The following SLC16A4 variants were observed in gnomAD, a reference collection of about 807,000 sequenced individuals.
SLC16A4 encodes the protein solute carrier family 16 member 4, also known as probable monocarboxylate transporter 5.
A neutral mutation model predicts 47.9 loss-of-function variants in SLC16A4; 39 were observed. That is an observed-to-expected ratio of 0.81 (90% confidence interval 0.63 to 1.06). The LOEUF (loss-of-function observed/expected upper bound fraction) is 1.06, where lower values mean the gene tolerates loss of function less well. Among genes scored for constraint, SLC16A4 ranks in the 50% least tolerant of loss-of-function variants. The pLI, the probability that SLC16A4 is intolerant of heterozygous loss-of-function variation, is 0.00. For synonymous variants in SLC16A4, 189 were observed against 199.9 expected (o/e 0.95, Z 0.46); for missense variants, 524 against 573.8 (o/e 0.91, Z 0.89).
intron 2 of SLC16A4, among the ~76,000 whole-genome samples, chr1:110,383,947 T>C (rs1331698417): frequency 6.6e-6 from 1 of 151,424 alleles, no homozygotes; most frequent in Non-Finnish European, 1.5e-5. Context: ...AGAAGCAGGA[T>C]GGATGGAGTT....
chr1:110,387,618 G>T (rs959847550), intron 2 of SLC16A4, among the ~76,000 whole-genome samples: 1 of 152,152 alleles, frequency 6.6e-6, no homozygotes, highest in Non-Finnish European at 1.5e-5. Flanking sequence ...TTTCCTATCA[G>T]CAACTAAATT....
At chr1:110,382,811 C>A in intron 3 of SLC16A4, 23 bp downstream of exon 3, 1 of 1,549,456 alleles carries the variant, frequency 6.5e-7, no homozygotes, top group Non-Finnish European at 8.8e-7. Context: ...CCTTAGACAG[C>A]AAGCTTATTG....
intron 2 of SLC16A4, among the ~76,000 whole-genome samples, chr1:110,383,168 CA>C (rs1171380584): frequency 6.6e-6 from 1 of 152,202 alleles, no homozygotes. Context: ...GGAAACATCT[CA>C]TTTAATCCTC....
chr1:110,373,309 C>T (rs1661783711), intron 8 of SLC16A4, among the ~76,000 whole-genome samples: 1 of 152,020 alleles, frequency 6.6e-6, no homozygotes, highest in Non-Finnish European at 1.5e-5. Context: ...TGAAAAATTC[C>T]AAGGCACTAC....
chr1:110,378,683 T>A (rs1341925688), intron 6 of SLC16A4, among the ~76,000 whole-genome samples, 170 bp downstream of exon 6: 1 of 152,244 alleles, frequency 6.6e-6, no homozygotes, highest in Admixed American at 6.5e-5. Context: ...GACAGAGATC[T>A]CTTCCTGGGA....
In SLC16A4 at chr1:110,369,233, G is replaced by A. The variant is rs534016080; in HGVS notation, c.1337-5340C>T. ...CTCCCAAAGTGCTGGGATTACAGGCGTGAGCCACTGTGCCCAGTCATGAAT... is the reference window on the plus strand; with the variant it reads ...CTCCCAAAGTGCTGGGATTACAGGCATGAGCCACTGTGCCCAGTCATGAAT... On this transcript the variant is annotated intron_variant, in intron 8 of 8. Coordinates refer to ENST00000369779, the MANE Select transcript of SLC16A4 (RefSeq NM_004696.3). 1.4e-4 allele frequency among the ~76,000 whole-genome samples: 21 copies of A among 152,088 alleles called. No homozygotes were observed. The South Asian group carries it at 3.7e-3, about 27-fold the overall frequency.
In SLC16A4 at chr1:110,379,299, A is replaced by G. The variant is rs1464583555; in HGVS notation, c.584T>C (p.Leu195Ser). Residue 195 changes from leucine to serine, a missense_variant, in exon 6 of 9, where the codon TTA becomes TCA. Coordinates refer to ENST00000369779, the MANE Select transcript of SLC16A4 (RefSeq NM_004696.3). Reference sequence around the variant, plus strand: ...CTCACTTTTGATATGGATGGGTCTTAAGAGCATACTAGAAGGCACCAAATT... The same window carrying G: ...CTCACTTTTGATATGGATGGGTCTTGAGAGCATACTAGAAGGCACCAAATT... ...ALNLVPSSMLLRPIHIKSENN... is the reference protein window; with the variant it reads ...ALNLVPSSMLSRPIHIKSENN... The G allele has an allele frequency of 5.0e-6, 8 of 1,613,308 alleles. No individual in the cohort carries two copies. Among genetic ancestry groups the G allele is most frequent in the Non-Finnish European group, 5.9e-6 (7 of 1,179,280 alleles).
chr1:110,375,309 A>G, intron 8 of SLC16A4, 149 bp downstream of exon 8: 1 of 614,602 alleles, frequency 1.6e-6, no homozygotes. Flanking sequence ...ATTTTCCTGC[A>G]TTGGTGGTGG....
Position 110,376,164 on chromosome 1 carries a change from A to G in SLC16A4, c.1243-613T>C, listed in dbSNP as rs1369695042. On this transcript the variant is annotated intron_variant, in intron 7 of 8. Transcript: ENST00000369779. ...AGTGCTGGGATTACAGGTGTGAGCC[A>G]CCACGCCCGGCCAGACGGTGATATT... 2.0e-5 allele frequency among the ~76,000 whole-genome samples: 3 copies of G among 152,174 alleles called. No individual in the cohort carries two copies. The South Asian group carries it at 6.2e-4, about 31-fold the overall frequency.
chr1:110,377,551 A>G (rs1216277302), intron 6 of SLC16A4, among the ~76,000 whole-genome samples: 1 of 152,244 alleles, frequency 6.6e-6, no homozygotes. Flanking sequence ...CCTTCAGGTC[A>G]GTGTCTTGGG....
intron 5 of SLC16A4, among the ~76,000 whole-genome samples, 170 bp from the exon 6 acceptor site, chr1:110,379,526 A>G (rs1165461568): frequency 1.3e-5 from 2 of 152,002 alleles, no homozygotes; most frequent in African/African-American, 2.4e-5. Context: ...CCGTGTAATA[A>G]TGTAGTGCTT....
intron 2 of SLC16A4, among the ~76,000 whole-genome samples, chr1:110,386,223 A>G (rs1424852661): frequency 1.3e-5 from 2 of 152,214 alleles, no homozygotes; most frequent in Non-Finnish European, 2.9e-5. Context: ...ACTATGTATC[A>G]AGAAGACCAA....
rs754449435 is a variant in SLC16A4, at chr1:110,381,156, C to T, written c.365-13G>A. 13 of 1,612,320 alleles carry T rather than the reference C, an allele frequency of 8.1e-6. No individual in the cohort carries two copies. The highest frequency in any genetic ancestry group is 5.9e-6 in the Non-Finnish European group (7 of 1,178,854). On this transcript the variant is annotated splice_polypyrimidine_tract_variant and intron_variant, in intron 4 of 8. Coordinates refer to ENST00000369779, the MANE Select transcript of SLC16A4 (RefSeq NM_004696.3). ...GCAGAACCCAAACCTAAAAGAAAAA[C>T]GTAATAGTTTAGAATCACTCTTACA...
intron 3 of SLC16A4, among the ~76,000 whole-genome samples, chr1:110,382,463 A>G (rs1662458815): frequency 6.6e-6 from 1 of 152,084 alleles, no homozygotes; most frequent in Admixed American, 6.6e-5. Flanking sequence ...TGTCTCAAAA[A>G]AAAAAAATAA....
intron 8 of SLC16A4, among the ~76,000 whole-genome samples, chr1:110,373,850 AT>A (rs1343726281): frequency 6.6e-6 from 1 of 150,460 alleles, no homozygotes; most frequent in Non-Finnish European, 1.5e-5. Context: ...GATTTTTAAA[AT>A]TTTTTTGTAG....
In SLC16A4 at chr1:110,379,052, TTCA is replaced by T; in HGVS notation, c.828_830del (p.Asp276del). ...TCCACGAAATAACCTTATCACTTTC[TTCA>T]TCACTCTTTAATAACAGTCTGTTCC... On this transcript the variant is annotated inframe_deletion, in exon 6 of 9. Transcript: ENST00000369779. 1 of 1,614,242 alleles carries T rather than the reference TTCA, an allele frequency of 6.2e-7. No homozygotes were observed. Among genetic ancestry groups the T allele is most frequent in the Non-Finnish European group, 8.5e-7 (1 of 1,180,044 alleles).
chr1:110,364,484 C>G (rs1470267791), intron 8 of SLC16A4, among the ~76,000 whole-genome samples: 1 of 150,008 alleles, frequency 6.7e-6, no homozygotes, highest in Non-Finnish European at 1.5e-5. Context: ...CAAGTTCCCC[C>G]CTGAAATCTA....
At chr1:110,382,200 C>T (rs1662439605) in intron 3 of SLC16A4, among the ~76,000 whole-genome samples, 3 of 152,310 alleles carry the variant, frequency 2.0e-5, no homozygotes, top group South Asian at 4.1e-4. Context: ...CGCCGTGGCT[C>T]TTTAATCCCA....
intron 8 of SLC16A4, among the ~76,000 whole-genome samples, chr1:110,374,225 G>C (rs1209565125): frequency 6.6e-6 from 1 of 151,932 alleles, no homozygotes; most frequent in Non-Finnish European, 1.5e-5. Context: ...ATTTTTAGTA[G>C]AGACCGGGTT....
Sources: gnomAD v4.1 joint callset for allele counts (sites outside exome capture counted in the v4.1 genomes callset) on GRCh38, gnomAD v4.1.1 for gene constraint, MANE v1.5 for transcripts, NCBI Gene and HGNC (gene_info 2026-07-23, HGNC 2026-07-21) for gene names.